The following PLCB1 variants were observed in gnomAD, a reference collection of about 807,000 sequenced individuals.
The protein encoded by PLCB1 is phospholipase C beta 1.
PLCB1 carries 46 observed loss-of-function variants against 161.8 expected under a neutral mutation model. That is an observed-to-expected ratio of 0.28 (90% CI 0.22 to 0.36). PLCB1 has a LOEUF of 0.36. Among genes scored for constraint, PLCB1 ranks in the 10% least tolerant of loss-of-function variants. PLCB1 has a pLI of 1.00. For synonymous variants in PLCB1, 517 were observed against 503.7 expected (o/e 1.03, Z -0.35); for missense variants, 1,016 against 1,472.5 (o/e 0.69, Z 5.07).
intron 10 of PLCB1, among the ~76,000 whole-genome samples, chr20:8,691,338 C>T (rs984011352): frequency 6.6e-6 from 1 of 152,132 alleles, no homozygotes; most frequent in Admixed American, 6.5e-5. Context: ...AGTTTTTATA[C>T]TTTACAGCCA....
At chr20:8,536,270 A>T (rs73593786) in intron 3 of PLCB1, among the ~76,000 whole-genome samples, 3 of 151,154 alleles carry the variant, frequency 2.0e-5, no homozygotes, top group Non-Finnish European at 4.4e-5. Flanking sequence ...TGGATATACA[A>T]GAAGAAAAAA....
At chr20:8,333,937 C>T (rs1320772163) in intron 2 of PLCB1, among the ~76,000 whole-genome samples, 1 of 152,200 alleles carries the variant, frequency 6.6e-6, no homozygotes, top group Non-Finnish European at 1.5e-5. Flanking sequence ...GGGCCTGGCG[C>T]GGTGGCTCAC....
chr20:8,723,809 T>G (rs1432322202), intron 15 of PLCB1, among the ~76,000 whole-genome samples: 1 of 152,094 alleles, frequency 6.6e-6, no homozygotes, highest in African/African-American at 2.4e-5. Context: ...CATTAATCCC[T>G]GCACTATGCT....
rs111340428 is a variant in PLCB1 at position 8,668,815 on chromosome 20, T to C, written c.862+10111T>C. Among the ~76,000 whole-genome samples the C allele has an allele frequency of 3.3e-3, 510 of 152,288 alleles. 3 individuals carry two copies. The highest frequency in any genetic ancestry group is 6.0e-3 in the Non-Finnish European group (411 of 68,032). On this transcript the variant is annotated intron_variant, in intron 9 of 31. Transcript: ENST00000338037. ...AGCACCAGTACAGTCTGCTATGATA[T>C]TATTACCAGCAAAACACTATTCACG... is the stretch of plus-strand genomic sequence containing the variant.
chr20:8,193,706 A>T (rs2051994317), intron 2 of PLCB1, among the ~76,000 whole-genome samples: 1 of 152,014 alleles, frequency 6.6e-6, no homozygotes, highest in African/African-American at 2.4e-5. Flanking sequence ...TTGTGTTCTT[A>T]TAAGAATGGC....
chr20:8,537,345 A>G (rs1985095534), intron 3 of PLCB1, among the ~76,000 whole-genome samples: 1 of 152,168 alleles, frequency 6.6e-6, no homozygotes, highest in Non-Finnish European at 1.5e-5. Context: ...CGAAGGTCAT[A>G]TACCAGTTAA....
At chr20:8,236,253 A>C (rs1459487498) in intron 2 of PLCB1, among the ~76,000 whole-genome samples, 1 of 152,136 alleles carries the variant, frequency 6.6e-6, no homozygotes, top group East Asian at 1.9e-4. Context: ...AAAATAACAC[A>C]GGCACAGTGA....
intron 3 of PLCB1, among the ~76,000 whole-genome samples, chr20:8,466,856 G>A (rs1008322642): frequency 1.3e-5 from 2 of 152,124 alleles, no homozygotes; most frequent in African/African-American, 4.8e-5. Flanking sequence ...ACCCAGATCA[G>A]ATTAAAGCCT....
intron 3 of PLCB1, among the ~76,000 whole-genome samples, chr20:8,477,881 C>T (rs62197592): frequency 0.24 from 36,672 of 152,140 alleles, 4,794 homozygotes; most frequent in Non-Finnish European, 0.3. Context: ...TTCGGCTTAA[C>T]GTTTGGATGG....
chr20:8,541,922 T>C (rs1358994726), intron 3 of PLCB1, among the ~76,000 whole-genome samples: 3 of 152,204 alleles, frequency 2.0e-5, no homozygotes, highest in Non-Finnish European at 4.4e-5. Flanking sequence ...AACAAGGTGG[T>C]TTCAGCTAGC....
rs182268159 is a variant in PLCB1 at position 8,795,501 on chromosome 20, A to C, written c.3423+5240A>C. Among the ~76,000 whole-genome samples, 12 of 152,324 alleles carry C rather than the reference A, an allele frequency of 7.9e-5. No individual in the cohort carries two copies. The East Asian group carries it at 2.1e-3, about 27-fold the overall frequency. On this transcript the variant is annotated intron_variant, in intron 31 of 31. Coordinates refer to ENST00000338037, the MANE Select transcript of PLCB1 (RefSeq NM_015192.4). The stretch of plus-strand genomic sequence containing the variant: ...AACATTCGACTGCATGTTTTCTAGC[A>C]ATGAGATATTCGATTCAGTCCTTGA...
At chr20:8,262,777 G>A (rs1981768962) in intron 2 of PLCB1, among the ~76,000 whole-genome samples, 1 of 152,164 alleles carries the variant, frequency 6.6e-6, no homozygotes, top group African/African-American at 2.4e-5. Context: ...TTGGTTCCTG[G>A]TGAGGACCTG....
chr20:8,674,307 GTTGTGGTAATAT>G (rs1990023226), intron 9 of PLCB1, among the ~76,000 whole-genome samples: 1 of 152,316 alleles, frequency 6.6e-6, no homozygotes, highest in Non-Finnish European at 1.5e-5. Flanking sequence ...AAGACTTCAT[GTTGTGGTAATAT>G]TTGAGGAGAC....
intron 3 of PLCB1, among the ~76,000 whole-genome samples, chr20:8,512,615 G>A (rs746908419): frequency 8.1e-4 from 123 of 151,704 alleles, no homozygotes; most frequent in Admixed American, 1.7e-3. Context: ...TGCATTTATG[G>A]GGTGCAATGT....
chr20:8,313,297 C>T (rs529923039), intron 2 of PLCB1, among the ~76,000 whole-genome samples: 2 of 152,176 alleles, frequency 1.3e-5, no homozygotes, highest in South Asian at 2.1e-4. Flanking sequence ...TGGCTGGGCT[C>T]GCATGTGCCT....
chr20:8,586,946 A>G (rs1987008928), intron 3 of PLCB1, among the ~76,000 whole-genome samples: 1 of 152,148 alleles, frequency 6.6e-6, no homozygotes, highest in Admixed American at 6.6e-5. Context: ...CTAGCCTCGC[A>G]TTTTAGTTTA....
At chr20:8,204,230 T>C (rs1450256090) in intron 2 of PLCB1, among the ~76,000 whole-genome samples, 1 of 152,090 alleles carries the variant, frequency 6.6e-6, no homozygotes, top group Non-Finnish European at 1.5e-5. Context: ...ATGGAAATAA[T>C]TTGTTAAATT....
At chr20:8,538,252 T>C (rs1327382896) in intron 3 of PLCB1, among the ~76,000 whole-genome samples, 2 of 152,194 alleles carry the variant, frequency 1.3e-5, no homozygotes, top group Non-Finnish European at 2.9e-5. Context: ...AAAAGGACAT[T>C]ATGTAAAAAA....
chr20:8,168,421 G>A (rs2051696729), intron 2 of PLCB1, among the ~76,000 whole-genome samples: 1 of 152,106 alleles, frequency 6.6e-6, no homozygotes, highest in African/African-American at 2.4e-5. Flanking sequence ...AATTATATAT[G>A]CCCAATATTA....
Sources: allele counts gnomAD v4.1 joint callset (sites outside exome capture counted in the v4.1 genomes callset), GRCh38; gene constraint gnomAD v4.1.1; transcripts MANE v1.5; gene names NCBI Gene and HGNC (gene_info 2026-07-23, HGNC 2026-07-21).